The following EML3 variants were observed in gnomAD, a reference collection of about 807,000 sequenced individuals.
EML3 encodes EMAP like 3, also known as echinoderm microtubule-associated protein-like 3.
Under a neutral mutation model 106.7 loss-of-function variants are expected in EML3, and 53 were observed. The ratio of observed to expected loss-of-function variants is 0.50; its 90% CI spans 0.40 to 0.62. The LOEUF is 0.62. EML3 is among the 20% of genes least tolerant of loss of function. EML3 has a pLI of 0.00. For synonymous variants in EML3, 499 were observed against 489.6 expected, an observed-to-expected ratio of 1.02 and a Z score of -0.25; for missense variants, 994 against 1,209.1, an observed-to-expected ratio of 0.82 and a Z score of 2.64.
At position 62,611,549 on chromosome 11, in the gene EML3, G is replaced by A. The variant is rs1942829639; in HGVS notation, c.70C>T (p.Arg24Trp). 1.9e-6 allele frequency: 3 copies of A among 1,613,710 alleles called. No individual in the cohort carries two copies. The highest frequency in any genetic ancestry group is 1.6e-4 in the Middle Eastern group (1 of 6,062). Residue 24 changes from arginine to tryptophan, a missense_variant, in exon 2 of 22, where the codon CGG (arginine) becomes TGG (tryptophan). Arg to Trp is a moderately radical substitution (Grantham distance 101, BLOSUM62 -3). Transcript: ENST00000394773. ...AGTTCCATCTCCTGCTCCTGCACCC[G>A]AAGCCGCTGGCTCAGAGACTGGAGG... ...EALQSLSQRL[R>W]VQEQEMELVK...
chr11:62,610,791 C>A (rs561296668), intron 4 of EML3, 88 bp downstream of exon 4: 24 of 1,193,546 alleles, frequency 2.0e-5, no homozygotes, highest in African/African-American at 9.3e-5. Context: ...CAGGTCCCCC[C>A]ACCCCAACCA....
intron 11 of EML3, 92 bp downstream of exon 11, chr11:62,607,574 G>C: frequency 7.0e-7 from 1 of 1,429,686 alleles, no homozygotes; most frequent in Non-Finnish European, 9.4e-7. Context: ...GGGCAGGTGG[G>C]GGTTAGGGAA....
intron 10 of EML3, 63 bp downstream of exon 10, chr11:62,608,138 C>G (rs867703442): frequency 6.7e-7 from 1 of 1,485,570 alleles, no homozygotes. Context: ...GTCTGGAGCT[C>G]CCTGCACTCC....
In EML3 at chr11:62,607,772, C is replaced by A; in HGVS notation, c.1256G>T (p.Ser419Ile). 1 of 1,614,104 alleles carries A rather than the reference C, an allele frequency of 6.2e-7. No homozygotes were observed. Among genetic ancestry groups the A allele is most frequent in the South Asian group, 1.1e-5 (1 of 91,082 alleles). Reference protein sequence around the residue: ...LAVGFNPRDSSCIVTSGKSHV... With the variant: ...LAVGFNPRDSICIVTSGKSHV... ...AGATTTCCCACTGGTGACGATGCAG[C>A]TGCTGTCACGAGGGTTGAAGCCAAC... Residue 419 changes from serine (S) to isoleucine (I), a missense_variant, in exon 11 of 22, where the codon AGC becomes ATC. Transcript: ENST00000394773.
At chr11:62,608,358 C>A in intron 9 of EML3, 62 bp from the exon 10 acceptor site, 1 of 1,506,162 alleles carries the variant, frequency 6.6e-7, no homozygotes, top group South Asian at 1.1e-5. Flanking sequence ...GGTTCATGGT[C>A]ATTAGGTTAA....
intron 16 of EML3, chr11:62,604,803 C>T: frequency 4.0e-6 from 1 of 248,850 alleles, no homozygotes; most frequent in Non-Finnish European, 7.9e-6. Flanking sequence ...AGGCACTGTG[C>T]AAGCTGGAAG....
intron 10 of EML3, 86 bp downstream of exon 10, chr11:62,608,115 A>C (rs1942623909): frequency 7.7e-7 from 1 of 1,305,398 alleles, no homozygotes; most frequent in Non-Finnish European, 1.1e-6. Context: ...AAAGGAAGGA[A>C]ATGTATGGGT....
chr11:62,606,140 T>C lies in EML3; in HGVS notation c.1579A>G (p.Thr527Ala), dbSNP rs968299265. The stretch of plus-strand genomic sequence containing the variant: ...TCCCGCCCGCCACCACTCAGCACTG[T>C]CCCGTCCCTCCGGAGACACAAGGCG... The part of the protein sequence containing the change: ...IFALCLRRDG[T>A]VLSGGGRDRR... The change falls in exon 13 of 22, where the codon ACA (threonine) becomes GCA (alanine). Residue 527 changes from threonine (T) to alanine (A), a missense_variant. Around this residue, in one of 3 missense-constraint regions of EML3, gnomAD observed 713 missense variants for 920.5 expected, o/e 0.77. Coordinates refer to ENST00000394773, the MANE Select transcript of EML3 (RefSeq NM_153265.3). The C allele has an allele frequency of 1.2e-6, 2 of 1,613,944 alleles. No individual in the cohort carries two copies. The highest frequency in any genetic ancestry group is 2.7e-5 in the African/African-American group (2 of 74,918).
At chr11:62,609,847 T>C (rs1453259110) in intron 4 of EML3, 151 bp from the exon 5 acceptor site, 3 of 638,712 alleles carry the variant, frequency 4.7e-6, no homozygotes, top group Non-Finnish European at 8.1e-6. Flanking sequence ...CCCTAGTAGA[T>C]GGAGACTTCT....
intron 16 of EML3, 143 bp downstream of exon 16, chr11:62,604,970 G>A: frequency 3.0e-6 from 2 of 661,428 alleles, no homozygotes; most frequent in Non-Finnish European, 4.8e-6. Flanking sequence ...CGGGTGGCAG[G>A]GGCTGCAGGG....
Position 62,605,493 on chromosome 11 carries a change from G to T in EML3, c.1914+149C>A. On this transcript the variant is annotated intron_variant, in intron 15 of 21. Coordinates refer to ENST00000394773, the MANE Select transcript of EML3 (RefSeq NM_153265.3). This position sits in a 1 kb window ranked among gnomAD's most constrained non-coding sequence, Gnocchi z 5.2. ...GCATCAGCTTTTACCAGTCAGTACA[G>T]AAAAATTAATATTTGAGTAGCCAGT... 1 of 1,184,636 alleles carries T rather than the reference G, an allele frequency of 8.4e-7. No individual in the cohort carries two copies. The highest frequency in any genetic ancestry group is 1.2e-6 in the Non-Finnish European group (1 of 860,300). The allele number at this position is 1,184,636 out of a possible 1,614,324, so 73.4% of individuals were successfully genotyped here.
chr11:62,609,466 C>G lies in EML3; in HGVS notation c.646G>C (p.Val216Leu), dbSNP rs759450451. Residue 216 changes from valine (V) to leucine (L), a missense_variant, in exon 6 of 22, where the codon GTG becomes CTG. Transcript: ENST00000394773. ...RSNYNLEGISVKMFLRGRPIT... is the reference protein window; with the variant it reads ...RSNYNLEGISLKMFLRGRPIT... Reference sequence around the variant, plus strand: ...GGGCGCCCTCGAAGGAACATCTTCACTGAGATGCCTTCTACAGAGAAAAGG... The same window carrying G: ...GGGCGCCCTCGAAGGAACATCTTCAGTGAGATGCCTTCTACAGAGAAAAGG... The G allele has an allele frequency of 6.3e-7, 1 of 1,576,948 alleles. No homozygotes were observed. The highest frequency in any genetic ancestry group is 2.2e-5 in the East Asian group (1 of 44,496).
intron 2 of EML3, 31 bp downstream of exon 2, chr11:62,611,394 G>A (rs576901021): frequency 1.2e-6 from 2 of 1,613,428 alleles, no homozygotes; most frequent in South Asian, 2.2e-5. Context: ...CCCCAAGGAG[G>A]AGGAAAAATG....
chr11:62,612,461 G>GC lies in EML3; in HGVS notation c.-5dup. On this transcript the variant is annotated 5_prime_UTR_variant, in exon 1 of 22. Coordinates refer to ENST00000394773, the MANE Select transcript of EML3 (RefSeq NM_153265.3). ...CGGGCCCCGCGGCCCCGTCCATCCG[G>GC]CCCCCGGGTTGCTCCGAGCGGCGGC... 1 of 1,453,486 alleles carries GC rather than the reference G, an allele frequency of 6.9e-7. No homozygotes were observed. Among genetic ancestry groups the GC allele is most frequent in the Non-Finnish European group, 9.0e-7 (1 of 1,111,022 alleles). The allele number at this position is 1,453,486 out of a possible 1,614,324, so 90.0% of individuals were successfully genotyped here.
chr11:62,604,939 C>T, intron 16 of EML3, 174 bp downstream of exon 16: 1 of 500,664 alleles, frequency 2.0e-6, no homozygotes. Flanking sequence ...GAAACAGTTA[C>T]CACAGAAGAG....
Position 62,605,643 on chromosome 11 carries a change from T to C in EML3, c.1913A>G (p.Lys638Arg). 1 of 1,538,662 alleles carries C rather than the reference T, an allele frequency of 6.5e-7. No individual in the cohort carries two copies. The highest frequency in any genetic ancestry group is 8.8e-7 in the Non-Finnish European group (1 of 1,142,640). The change falls in exon 15 of 22, where the codon AAG becomes AGG. Residue 638 changes from lysine to arginine, a missense_variant and splice_region_variant. Physicochemically the swap from Lys to Arg is conservative, Grantham distance 26 (BLOSUM62 2). Transcript: ENST00000394773. This position sits in a 1 kb window ranked among gnomAD's most constrained non-coding sequence, Gnocchi z 5.2. ...SHALAWSIDL[K>R]ETGLCADFHP... ...GGATCCAGGGGCACAGGGCTCTACC[T>C]TGAGGTCGATGCTCCAGGCCAGTGC...
At chr11:62,602,997 C>T (rs1200189253) in intron 20 of EML3, 108 bp from the exon 21 acceptor site, 2 of 1,479,204 alleles carry the variant, frequency 1.4e-6, no homozygotes, top group Non-Finnish European at 1.8e-6. Flanking sequence ...CTGCCGCGTT[C>T]CAGGCAAGCC....
At chr11:62,609,180 G>A in intron 6 of EML3, 48 bp from the exon 7 acceptor site, 1 of 1,607,926 alleles carries the variant, frequency 6.2e-7, no homozygotes, top group Non-Finnish European at 8.5e-7. Context: ...AAGGGCAGGA[G>A]GAGGAAGAGG....
chr11:62,604,126 G>A lies in EML3; in HGVS notation c.2058C>T (p.Val686=), dbSNP rs373811819. ...GGTGGCTCCCACCTGGGCTGTACCG[G>A]ACCACTGAGAGCTGCTCATTGCCAT... ...VIDGNEQLSV[V]RYSPDGLYLA... The change falls in exon 17 of 22, where the codon GTC becomes GTT. Residue 686 remains valine, a synonymous_variant. Transcript: ENST00000394773. 1.2e-5 allele frequency: 20 copies of A among 1,613,976 alleles called. No homozygotes were observed. The highest frequency in any genetic ancestry group is 1.4e-5 in the Non-Finnish European group (17 of 1,179,994).
Sources: gnomAD v4.1 joint callset for allele counts on GRCh38, gnomAD v4.1.1 for gene constraint, gnomAD v4.1.1 regional missense constraint, Gnocchi (gnomAD v3.1) non-coding constraint, MANE v1.5 for transcripts, NCBI Gene and HGNC (gene_info 2026-07-23, HGNC 2026-07-21) for gene names.